The following IQGAP1 variants were observed in gnomAD, a reference collection of about 807,000 sequenced individuals.
IQGAP1 encodes IQ motif containing GTPase activating protein 1, also known as ras GTPase-activating-like protein IQGAP1.
IQGAP1 carries 66 observed loss-of-function variants against 215.6 expected under a neutral mutation model. The observed-to-expected ratio is 0.31, with a 90% CI of 0.25 to 0.38. The LOEUF (loss-of-function observed/expected upper bound fraction) is 0.38, where lower values mean the gene tolerates loss of function less well. Among genes scored for constraint, IQGAP1 ranks in the 10% least tolerant of loss-of-function variants. IQGAP1 has a pLI of 1.00. For synonymous variants in IQGAP1, 772 were observed against 728.7 expected (o/e 1.06, Z -0.96); for missense variants, 1,712 against 1,997.1 (o/e 0.86, Z 2.72).
Position 90,466,341 on chromosome 15 carries a change from G to C in IQGAP1, c.1940G>C (p.Arg647Pro), listed in dbSNP as rs537375082. The C allele has an allele frequency of 1.9e-6, 3 of 1,614,084 alleles. No homozygotes were observed. The South Asian group carries it at 3.3e-5, about 18-fold the overall frequency. Residue 647 changes from arginine to proline, a missense_variant, in exon 17 of 38, where the codon CGC becomes CCC. Coordinates refer to ENST00000268182, the MANE Select transcript of IQGAP1 (RefSeq NM_003870.4). ...GTTGGCAAAACACTGAGTGCCCTTC[G>C]CTCCCCTGATGTTGGCTTGTATGGA... The part of the protein sequence containing the change: ...GDVGKTLSAL[R>P]SPDVGLYGVI...
intron 15 of IQGAP1, among the ~76,000 whole-genome samples, chr15:90,464,615 C>G (rs563960564): frequency 6.6e-6 from 1 of 152,120 alleles, no homozygotes; most frequent in East Asian, 1.9e-4. Flanking sequence ...CTATGGGAGG[C>G]CAGGACGTGC....
At chr15:90,427,508 G>A (rs1384209685) in intron 3 of IQGAP1, among the ~76,000 whole-genome samples, 1 of 152,162 alleles carries the variant, frequency 6.6e-6, no homozygotes, top group African/African-American at 2.4e-5. Context: ...GGGAGGTTGA[G>A]GCGGGCGGAT....
chr15:90,391,015 C>G, intron 2 of IQGAP1, 142 bp downstream of exon 2: 1 of 589,964 alleles, frequency 1.7e-6, no homozygotes, highest in Non-Finnish European at 3.1e-6. Flanking sequence ...GGGGGGGAAT[C>G]ACTTGAACCC....
chr15:90,408,407 C>T (rs7170480), intron 2 of IQGAP1, among the ~76,000 whole-genome samples: 23,336 of 152,018 alleles, frequency 0.15, 2,031 homozygotes, highest in South Asian at 0.23. Context: ...GTGTGTCTTT[C>T]AGTAGAGTCT....
intron 9 of IQGAP1, among the ~76,000 whole-genome samples, chr15:90,444,937 A>G (rs1330022005): frequency 6.6e-6 from 1 of 152,138 alleles, no homozygotes; most frequent in African/African-American, 2.4e-5. Context: ...AGCCTGGGCA[A>G]TGTGGCGAAA....
intron 5 of IQGAP1, 152 bp from the exon 6 acceptor site, chr15:90,439,180 C>T (rs1787833315): frequency 9.6e-6 from 4 of 416,532 alleles, no homozygotes; most frequent in Non-Finnish European, 1.7e-5. Flanking sequence ...AGGTAAATAG[C>T]GTATTGTAAC....
intron 35 of IQGAP1, among the ~76,000 whole-genome samples, 189 bp downstream of exon 35, chr15:90,492,900 T>C (rs1266213056): frequency 6.6e-6 from 1 of 152,140 alleles, no homozygotes; most frequent in African/African-American, 2.4e-5. Context: ...ATGTGAATAG[T>C]GGGTGGGGGA....
At chr15:90,400,460 A>C (rs547409070) in intron 2 of IQGAP1, among the ~76,000 whole-genome samples, 1 of 152,314 alleles carries the variant, frequency 6.6e-6, no homozygotes, top group Admixed American at 6.5e-5. Context: ...CATGAAGAAG[A>C]GTGTGGCACA....
intron 2 of IQGAP1, among the ~76,000 whole-genome samples, chr15:90,413,888 T>C (rs566115741): frequency 6.6e-6 from 1 of 152,342 alleles, no homozygotes; most frequent in African/African-American, 2.4e-5. Context: ...GTTTTTCTTA[T>C]GTCCTTCCCT....
chr15:90,464,759 G>A (rs1965807703), intron 15 of IQGAP1, among the ~76,000 whole-genome samples: 1 of 152,014 alleles, frequency 6.6e-6, no homozygotes, highest in South Asian at 2.1e-4. Context: ...GGCTGAGGCA[G>A]GAGAATGGCG....
intron 2 of IQGAP1, among the ~76,000 whole-genome samples, chr15:90,405,228 T>G (rs1488808472): frequency 6.6e-6 from 1 of 152,240 alleles, no homozygotes; most frequent in Non-Finnish European, 1.5e-5. Context: ...AACTGATATC[T>G]TAATTTTTTT....
At chr15:90,447,380 C>G (rs1228922217) in intron 9 of IQGAP1, among the ~76,000 whole-genome samples, 2 of 152,140 alleles carry the variant, frequency 1.3e-5, no homozygotes, top group African/African-American at 4.8e-5. Context: ...GCCCCTACTT[C>G]CCATTTTCTA....
At position 90,388,247 on chromosome 15, in the gene IQGAP1, CG is replaced by C; in HGVS notation, c.-93del. The C allele has an allele frequency of 2.1e-6, 3 of 1,423,044 alleles. No individual in the cohort carries two copies. The highest frequency in any genetic ancestry group is 2.9e-6 in the Non-Finnish European group (3 of 1,042,984). The allele number at this position is 1,423,044 out of a possible 1,614,324, so 88.2% of individuals were successfully genotyped here. On this transcript the variant is annotated 5_prime_UTR_variant, in exon 1 of 38. Coordinates refer to ENST00000268182, the MANE Select transcript of IQGAP1 (RefSeq NM_003870.4). ...GCACGGGGCGGGGCCTCGGGGACCC[CG>C]GCAAGCCCGCGCACTTGGCAGGAGC...
At chr15:90,389,757 C>T (rs995896381) in intron 1 of IQGAP1, among the ~76,000 whole-genome samples, 5 of 149,980 alleles carry the variant, frequency 3.3e-5, no homozygotes, top group Non-Finnish European at 7.4e-5. Flanking sequence ...GAGTTTGAGA[C>T]CAGCCTGGGC....
At chr15:90,417,235 G>T (rs1460929451) in intron 2 of IQGAP1, among the ~76,000 whole-genome samples, 1 of 152,072 alleles carries the variant, frequency 6.6e-6, no homozygotes, top group Admixed American at 6.5e-5. Flanking sequence ...GTCAATTTTG[G>T]CTTTTGTTGC....
intron 2 of IQGAP1, among the ~76,000 whole-genome samples, chr15:90,405,712 C>T (rs1337101810): frequency 6.6e-6 from 1 of 150,536 alleles, no homozygotes; most frequent in Admixed American, 6.6e-5. Flanking sequence ...TGCAATATTC[C>T]TCAAACCTAC....
chr15:90,485,972 G>A (rs889431323), intron 30 of IQGAP1, 58 bp from the exon 31 acceptor site: 1 of 1,277,568 alleles, frequency 7.8e-7, no homozygotes, highest in Non-Finnish European at 1.1e-6. Context: ...AGACATTCTA[G>A]GGAGGGACGG....
rs759140590 is a variant in IQGAP1, at chr15:90,486,122, G to T, written c.4014G>T (p.Glu1338Asp). 16 of 1,612,346 alleles carry T rather than the reference G, an allele frequency of 9.9e-6. No homozygotes were observed. Among genetic ancestry groups the T allele is most frequent in the Admixed American group, 8.3e-5 (5 of 59,966 alleles). Residue 1338 changes from glutamate to aspartate, a missense_variant, in exon 31 of 38, where the codon GAG becomes GAT. Glu to Asp is a conservative substitution (Grantham distance 45). Coordinates refer to ENST00000268182, the MANE Select transcript of IQGAP1 (RefSeq NM_003870.4). Reference sequence around the variant, plus strand: ...ACCTCGGCGAGGTGCCCACCATCGAGTCCCTGATAGGTAGAGTTCTAACTT... The same window carrying T: ...ACCTCGGCGAGGTGCCCACCATCGATTCCCTGATAGGTAGAGTTCTAACTT... ...LDDLGEVPTI[E>D]SLIGESSGNL...
At chr15:90,474,937 G>T in intron 23 of IQGAP1, 1 of 395,046 alleles carries the variant, frequency 2.5e-6, no homozygotes, top group Non-Finnish European at 4.7e-6. Flanking sequence ...AACCTCCTAA[G>T]TATCTGGGAT....
Sources: gnomAD v4.1 joint callset for allele counts (sites outside exome capture counted in the v4.1 genomes callset) on GRCh38, gnomAD v4.1.1 for gene constraint, MANE v1.5 for transcripts, NCBI Gene and HGNC (gene_info 2026-07-23, HGNC 2026-07-21) for gene names.